The following HMGA1 variants were observed in gnomAD, a reference collection of about 807,000 sequenced individuals.
HMGA1 encodes high mobility group protein HMG-I/HMG-Y.
In HMGA1, 1 loss-of-function variant was observed where a neutral mutation model predicts 15.1. That is an observed-to-expected ratio of 0.07 (90% CI 0.02 to 0.31). HMGA1 has a LOEUF of 0.31. Among genes scored for constraint, HMGA1 ranks in the 10% least tolerant of loss-of-function variants. The pLI is 1.00. For synonymous variants in HMGA1, 56 were observed against 54.8 expected, an observed-to-expected ratio of 1.02 and a Z score of -0.10; for missense variants, 94 against 141.4, an observed-to-expected ratio of 0.66 and a Z score of 1.70.
chr6:34,244,001 G>A (rs1762511219), intron 5 of HMGA1, among the ~76,000 whole-genome samples: 1 of 152,006 alleles, frequency 6.6e-6, no homozygotes, highest in South Asian at 2.1e-4. Context: ...ATCCAATTCT[G>A]GGTCCCCAAA....
intron 5 of HMGA1, 151 bp downstream of exon 5, chr6:34,243,669 G>GGT (rs1762479920): frequency 1.3e-6 from 1 of 757,644 alleles, no homozygotes; most frequent in Non-Finnish European, 2.3e-6. Context: ...GAGAGGGGAA[G>GGT]GTACCTGGCC....
chr6:34,245,231 T>C lies in HMGA1; in HGVS notation c.*347T>C. On this transcript the variant is annotated 3_prime_UTR_variant, in exon 6 of 6. Transcript: ENST00000311487. ...ACTCCCTTGGTGGTGGGGACATTGC[T>C]CTCTGGGCTTTTGGTTTGGGGGCGC... 1.4e-6 allele frequency: 2 copies of C among 1,388,190 alleles called. No homozygotes were observed. Among genetic ancestry groups the C allele is most frequent in the South Asian group, 2.4e-5 (2 of 81,870 alleles). The allele number at this position is 1,388,190 out of a possible 1,614,324, so 86.0% of individuals were successfully genotyped here. A position where few individuals can be genotyped will look rare whatever the true frequency, so the allele number is the denominator to read the frequency against.
chr6:34,241,038 T>A, intron 3 of HMGA1, 123 bp downstream of exon 3: 2 of 1,142,804 alleles, frequency 1.8e-6, no homozygotes, highest in Non-Finnish European at 2.6e-6. Flanking sequence ...AGTAAGCGTG[T>A]GGGTGTGTCC....
chr6:34,246,192 A>C lies in HMGA1; in HGVS notation c.*1308A>C. On this transcript the variant is annotated 3_prime_UTR_variant, in exon 6 of 6. Transcript: ENST00000311487. The stretch of plus-strand genomic sequence containing the variant: ...CCTGGGGCTCCCTCTCTGGTTTCCT[A>C]TTTGCAGTTACTTGAATAAAAAAAA... 3.8e-6 allele frequency: 1 copy of C among 264,448 alleles called. No homozygotes were observed. Among genetic ancestry groups the C allele is most frequent in the Non-Finnish European group, 7.2e-6 (1 of 138,642 alleles). 16.4% of individuals were successfully genotyped at this position (264,448 alleles called of 1,614,324 possible). A position where few individuals can be genotyped will look rare whatever the true frequency, so the allele number is the denominator to read the frequency against.
intron 2 of HMGA1, among the ~76,000 whole-genome samples, chr6:34,240,256 C>G (rs951502378): frequency 6.6e-6 from 1 of 152,220 alleles, no homozygotes; most frequent in Admixed American, 6.5e-5. Flanking sequence ...GGATCAATGT[C>G]CATAGCTGCC....
intron 2 of HMGA1, among the ~76,000 whole-genome samples, chr6:34,238,105 T>C (rs999277843): frequency 1.1e-4 from 17 of 152,014 alleles, no homozygotes; most frequent in Non-Finnish European, 2.5e-4. Flanking sequence ...TTTCTTCCTC[T>C]CCCCCGCGCC....
chr6:34,243,101 G>A (rs1478207197), intron 4 of HMGA1, among the ~76,000 whole-genome samples: 1 of 152,180 alleles, frequency 6.6e-6, no homozygotes, highest in Non-Finnish European at 1.5e-5. Flanking sequence ...GCCAGTCCCT[G>A]GGCTGAGAAT....
At chr6:34,238,907 G>C (rs908891727) in intron 2 of HMGA1, 2 of 152,194 alleles carry the variant, frequency 1.3e-5, no homozygotes, top group Non-Finnish European at 2.9e-5. Context: ...GACTGGCTTC[G>C]CCCAACTGGA....
At chr6:34,238,256 C>T (rs1440109466) in intron 2 of HMGA1, among the ~76,000 whole-genome samples, 4 of 152,030 alleles carry the variant, frequency 2.6e-5, no homozygotes, top group African/African-American at 9.7e-5. Flanking sequence ...TGCGCCCCTC[C>T]CCCCGCGCGC....
chr6:34,242,847 C>CT, intron 4 of HMGA1, 52 bp downstream of exon 4: 1 of 1,367,496 alleles, frequency 7.3e-7, no homozygotes, highest in Non-Finnish European at 1.0e-6. Context: ...AGAGGATCCT[C>CT]TTGTTGGCAC....
At chr6:34,240,459 AC>A (rs996701178) in intron 2 of HMGA1, among the ~76,000 whole-genome samples, 22 of 143,586 alleles carry the variant, frequency 1.5e-4, no homozygotes, top group Admixed American at 2.8e-4. Context: ...ACCTCCTGGG[AC>A]CCCCCCCACC....
chr6:34,239,693 A>G (rs1192317019), intron 2 of HMGA1, among the ~76,000 whole-genome samples: 5 of 49,734 alleles, frequency 1.0e-4, no homozygotes, highest in Non-Finnish European at 2.6e-4. Flanking sequence ...GATAAGGACT[A>G]GGATGAAGAT....
rs115141257 is a variant in HMGA1 at position 34,243,093 on chromosome 6, C to T, written c.219+298C>T. 5.3e-3 allele frequency among the ~76,000 whole-genome samples: 805 copies of T among 152,302 alleles called. 5 individuals are homozygous for T. The highest frequency in any genetic ancestry group is 7.8e-3 in the Non-Finnish European group (531 of 68,022). ...AGTGGGGAGAATGGAGGGTCCCTGC[C>T]AGTCCCTGGGCTGAGAATGTTACCT... On this transcript the variant is annotated intron_variant, in intron 4 of 5. Coordinates refer to ENST00000311487, the MANE Select transcript of HMGA1 (RefSeq NM_145899.3).
intron 2 of HMGA1, among the ~76,000 whole-genome samples, chr6:34,239,746 C>T (rs1238194268): frequency 2.0e-5 from 3 of 152,082 alleles, no homozygotes; most frequent in African/African-American, 4.8e-5. Flanking sequence ...AGGGTATTCC[C>T]AAATACAGGT....
At chr6:34,241,181 C>T (rs1762278224) in intron 3 of HMGA1, among the ~76,000 whole-genome samples, 1 of 152,148 alleles carries the variant, frequency 6.6e-6, no homozygotes, top group African/African-American at 2.4e-5. Context: ...ACCTAAAGCA[C>T]CCCAGAGGTC....
At chr6:34,243,896 G>A (rs908959116) in intron 5 of HMGA1, among the ~76,000 whole-genome samples, 3 of 152,126 alleles carry the variant, frequency 2.0e-5, no homozygotes, top group African/African-American at 7.2e-5. Flanking sequence ...CTTCCTATGA[G>A]CCTCTGCAGA....
At chr6:34,241,037 G>C in intron 3 of HMGA1, 122 bp downstream of exon 3, 2 of 1,153,102 alleles carry the variant, frequency 1.7e-6, no homozygotes, top group Non-Finnish European at 2.5e-6. Context: ...CAGTAAGCGT[G>C]TGGGTGTGTC....
At chr6:34,238,107 C>CCCCGCG (rs1226488924) in intron 2 of HMGA1, among the ~76,000 whole-genome samples, 1 of 152,186 alleles carries the variant, frequency 6.6e-6, no homozygotes, top group Non-Finnish European at 1.5e-5. Context: ...TCTTCCTCTC[C>CCCCGCG]CCCGCGCCCG....
At chr6:34,244,019 T>G (rs1581810159) in intron 5 of HMGA1, among the ~76,000 whole-genome samples, 1 of 151,954 alleles carries the variant, frequency 6.6e-6, no homozygotes, top group South Asian at 2.1e-4. Context: ...AAACAGCTGG[T>G]GGAAAGGCTC....
Sources: allele counts gnomAD v4.1 joint callset (sites outside exome capture counted in the v4.1 genomes callset), GRCh38; gene constraint gnomAD v4.1.1; transcripts MANE v1.5; gene names NCBI Gene and HGNC (gene_info 2026-07-23, HGNC 2026-07-21).